Variants in RRH observed in about 807,000 individuals in gnomAD.
RRH encodes the protein retinal pigment epithelium-derived rhodopsin homolog, also known as visual pigment-like receptor peropsin.
RRH carries 36 observed loss-of-function variants against 33.1 expected under a neutral mutation model. That is an observed-to-expected ratio of 1.09 (90% confidence interval 0.83 to 1.44). The LOEUF (loss-of-function observed/expected upper bound fraction) is 1.44, where lower values mean the gene tolerates loss of function less well. Ranked by LOEUF, RRH falls within the 40% of genes most tolerant of loss-of-function variation. The pLI, the probability that RRH is intolerant of heterozygous loss-of-function variation, is 0.00. For synonymous variants in RRH, 124 were observed against 140.2 expected (o/e 0.88, Z 0.82); for missense variants, 393 against 420.2 (o/e 0.94, Z 0.57).
At chr4:109,841,116 T>C (rs1040707769) in intron 5 of RRH, among the ~76,000 whole-genome samples, 1 of 152,200 alleles carries the variant, frequency 6.6e-6, no homozygotes, top group Non-Finnish European at 1.5e-5. Context: ...AGGAGCTCTC[T>C]TGTATCTTGT....
intron 3 of RRH, 54 bp from the exon 4 acceptor site, chr4:109,835,953 A>C: frequency 1.2e-6 from 2 of 1,606,546 alleles, no homozygotes; most frequent in Non-Finnish European, 1.7e-6. Context: ...CAAGTTTAAA[A>C]AGTGAGTCCC....
intron 5 of RRH, among the ~76,000 whole-genome samples, chr4:109,838,133 T>C (rs900443255): frequency 6.6e-6 from 1 of 151,946 alleles, no homozygotes; most frequent in African/African-American, 2.4e-5. Flanking sequence ...GATATTTTTG[T>C]TGGTCATCAT....
chr4:109,829,884 C>T (rs565350179), intron 1 of RRH, among the ~76,000 whole-genome samples: 1 of 152,222 alleles, frequency 6.6e-6, no homozygotes, highest in Admixed American at 6.5e-5. Context: ...TTTTGTTCTG[C>T]CCCTGTATCA....
At chr4:109,838,789 G>C (rs1733935570) in intron 5 of RRH, among the ~76,000 whole-genome samples, 1 of 152,040 alleles carries the variant, frequency 6.6e-6, no homozygotes. Context: ...GTGATCTGTG[G>C]GTTCTCTCTG....
intron 1 of RRH, 75 bp from the exon 2 acceptor site, chr4:109,833,064 A>G: frequency 8.2e-7 from 1 of 1,215,084 alleles, no homozygotes; most frequent in Non-Finnish European, 1.2e-6. Context: ...AAAGGGGCTT[A>G]AATATTTAAT....
chr4:109,835,595 G>T, intron 3 of RRH, 130 bp downstream of exon 3: 1 of 750,356 alleles, frequency 1.3e-6, no homozygotes, highest in Admixed American at 2.1e-5. Flanking sequence ...GCCAATAATT[G>T]TTCAAATGTT....
Position 109,835,876 on chromosome 4 carries a change from GT to G in RRH, c.398-127del. Reference sequence around the variant, plus strand: ...TACTTTTATTAGGTGTTGCACTCATGTTTTGGCTCCTAAGGCCAATCAAAGT... The same window carrying G: ...TACTTTTATTAGGTGTTGCACTCATGTTTGGCTCCTAAGGCCAATCAAAGT... On this transcript the variant is annotated intron_variant, in intron 3 of 6. Coordinates refer to ENST00000317735, the MANE Select transcript of RRH (RefSeq NM_006583.5). The G allele has an allele frequency of 3.9e-6, 4 of 1,019,830 alleles. No individual in the cohort carries two copies. In the South Asian group the frequency reaches 5.1e-5, roughly 13 times the overall value. The allele number at this position is 1,019,830 out of a possible 1,614,324, so 63.2% of individuals were successfully genotyped here.
rs61747002 is a variant in RRH, at chr4:109,836,068, G to A, written c.459G>A (p.Leu153=). 0.03 allele frequency: 48,254 copies of A among 1,614,094 alleles called. 3,383 individuals are homozygous for A. Among genetic ancestry groups the A allele is most frequent in the Admixed American group, 0.23 (13,518 of 60,004 alleles). Residue 153 remains leucine, a synonymous_variant, in exon 4 of 7, where the codon CTG becomes CTA. Transcript: ENST00000317735. ...GLILGAWING[L]FWALMPIIGW... ...TTCTGGGAGCCTGGATCAATGGCCT[G>A]TTTTGGGCTTTGATGCCTATCATAG...
intron 1 of RRH, among the ~76,000 whole-genome samples, chr4:109,828,649 G>C (rs993647593): frequency 6.6e-6 from 1 of 151,942 alleles, no homozygotes; most frequent in Non-Finnish European, 1.5e-5. Flanking sequence ...ACAGAGCAGG[G>C]TATATTGTCA....
rs1361180770 is a variant in RRH, at chr4:109,842,544, G to A, written c.796G>A (p.Gly266Ser). Reference protein sequence around the residue: ...YSIVCLWASFGDPKKIPPPMA... With the variant: ...YSIVCLWASFSDPKKIPPPMA... ...CATCGTGTGCTTATGGGCTTCTTTT[G>A]GTGACCCAAAGAAGATTCCTCCCCC... is the stretch of plus-strand genomic sequence containing the variant. Residue 266 changes from glycine to serine, a missense_variant, in exon 6 of 7, where the codon GGT becomes AGT. Gly to Ser is a moderately conservative substitution (Grantham distance 56). Transcript: ENST00000317735. The A allele has an allele frequency of 6.2e-7, 1 of 1,613,750 alleles. No homozygotes were observed. The highest frequency in any genetic ancestry group is 8.5e-7 in the Non-Finnish European group (1 of 1,179,940).
chr4:109,828,274 T>A (rs970868330), intron 1 of RRH, 141 bp downstream of exon 1: 4 of 637,674 alleles, frequency 6.3e-6, no homozygotes, highest in Non-Finnish European at 1.2e-5. Flanking sequence ...GCTTGCTCGT[T>A]GGTAAATGAG....
chr4:109,844,463 G>T lies in RRH; in HGVS notation c.*266G>T. On this transcript the variant is annotated 3_prime_UTR_variant, in exon 7 of 7. Coordinates refer to ENST00000317735, the MANE Select transcript of RRH (RefSeq NM_006583.5). Reference sequence around the variant, plus strand: ...GGTCCCCTTTCTTTCTCCCTATTATGGCATGCATTACACTGTACTGATGAC... The same window carrying T: ...GGTCCCCTTTCTTTCTCCCTATTATTGCATGCATTACACTGTACTGATGAC... 2.6e-6 allele frequency: 1 copy of T among 383,302 alleles called. No homozygotes were observed. Among genetic ancestry groups the T allele is most frequent in the Non-Finnish European group, 5.0e-6 (1 of 201,014 alleles). 23.7% of individuals were successfully genotyped at this position (383,302 alleles called of 1,614,324 possible).
chr4:109,832,963 T>C (rs533057070), intron 1 of RRH, among the ~76,000 whole-genome samples, 176 bp from the exon 2 acceptor site: 1 of 152,360 alleles, frequency 6.6e-6, no homozygotes, highest in South Asian at 2.1e-4. Flanking sequence ...CATTTCTGTT[T>C]CACAGAAGGG....
chr4:109,828,999 A>T (rs1449792394), intron 1 of RRH, among the ~76,000 whole-genome samples: 1 of 152,162 alleles, frequency 6.6e-6, no homozygotes, highest in Non-Finnish European at 1.5e-5. Context: ...TTAATGTATC[A>T]TTGAATTGTG....
rs1734007062 is a variant in RRH, at chr4:109,842,618, C to A, written c.870C>A (p.Asn290Lys). The A allele has an allele frequency of 1.9e-6, 3 of 1,613,906 alleles. No individual in the cohort carries two copies. The highest frequency in any genetic ancestry group is 2.5e-6 in the Non-Finnish European group (3 of 1,179,820). ...TTGCAAAATCTTCTACATTCTATAA[C>A]CCCTGCATTTATGTGGTTGCTAATA... is the stretch of plus-strand genomic sequence containing the variant. ...PLFAKSSTFY[N>K]PCIYVVANKK... The change falls in exon 6 of 7, where the codon AAC becomes AAA. Residue 290 changes from asparagine to lysine, a missense_variant. Physicochemically the swap from Asn to Lys is moderately conservative, Grantham distance 94. Coordinates refer to ENST00000317735, the MANE Select transcript of RRH (RefSeq NM_006583.5).
intron 5 of RRH, 58 bp downstream of exon 5, chr4:109,837,663 T>C: frequency 7.3e-7 from 1 of 1,376,726 alleles, no homozygotes; most frequent in Non-Finnish European, 1.0e-6. Flanking sequence ...CACTCATAGT[T>C]GAAAGAGTCC....
intron 1 of RRH, among the ~76,000 whole-genome samples, chr4:109,829,570 A>G (rs112978433): frequency 9.9e-5 from 15 of 152,272 alleles, no homozygotes; most frequent in Non-Finnish European, 1.8e-4. Flanking sequence ...TTATCATTTG[A>G]ATACTTGCTA....
Position 109,833,308 on chromosome 4 carries a change from A to G in RRH, c.276A>G (p.Lys92=). 1 of 1,614,088 alleles carries G rather than the reference A, an allele frequency of 6.2e-7. No individual in the cohort carries two copies. Among genetic ancestry groups the G allele is most frequent in the Non-Finnish European group, 8.5e-7 (1 of 1,179,952 alleles). Residue 92 remains lysine (K), a synonymous_variant, in exon 2 of 7, where the codon AAA becomes AAG. Coordinates refer to ENST00000317735, the MANE Select transcript of RRH (RefSeq NM_006583.5). ...SAASDLYGSW[K]FGYAGCQVYA... ...CCTCAGATCTGTATGGAAGTTGGAA[A>G]TTTGGATACGCAGGCTGTCAGGTAT...
intron 1 of RRH, among the ~76,000 whole-genome samples, chr4:109,828,569 A>G (rs536927195): frequency 6.6e-6 from 1 of 151,928 alleles, no homozygotes; most frequent in African/African-American, 2.4e-5. Flanking sequence ...CATAACCCTC[A>G]TATTTTTGTT....
Sources: gnomAD v4.1 joint callset for allele counts (sites outside exome capture counted in the v4.1 genomes callset) on GRCh38, gnomAD v4.1.1 for gene constraint, MANE v1.5 for transcripts, NCBI Gene and HGNC (gene_info 2026-07-23, HGNC 2026-07-21) for gene names.